The following EVL variants were observed in gnomAD, a reference collection of about 807,000 sequenced individuals.
EVL encodes Enah/Vasp-like.
In EVL, 21 loss-of-function variants were observed where a neutral mutation model predicts 59.6. The observed-to-expected ratio is 0.35, with a 90% CI of 0.25 to 0.51. The LOEUF (loss-of-function observed/expected upper bound fraction) is 0.51. Ranked by LOEUF, EVL falls within the 20% of genes least tolerant of loss-of-function variation. The probability of loss-of-function intolerance (pLI) is 0.97; values close to 1 mark genes in which losing one functional copy is unlikely to be tolerated. For synonymous variants in EVL, 198 were observed against 203.5 expected, an observed-to-expected ratio of 0.97 and a Z score of 0.23; for missense variants, 462 against 546.6, an observed-to-expected ratio of 0.85 and a Z score of 1.54.
At chr14:100,119,099 A>G (rs956879746) in intron 3 of EVL, among the ~76,000 whole-genome samples, 3 of 152,242 alleles carry the variant, frequency 2.0e-5, no homozygotes, top group Non-Finnish European at 2.9e-5. Flanking sequence ...CTGGACCCAC[A>G]TGACACCATG....
At chr14:100,038,492 G>C (rs572970100) in intron 1 of EVL, among the ~76,000 whole-genome samples, 1 of 152,144 alleles carries the variant, frequency 6.6e-6, no homozygotes, top group Non-Finnish European at 1.5e-5. Context: ...GGACAGCCAG[G>C]GCTCTTAGTC....
At chr14:100,094,106 G>A (rs556163112) in intron 2 of EVL, among the ~76,000 whole-genome samples, 1 of 152,024 alleles carries the variant, frequency 6.6e-6, no homozygotes, top group South Asian at 2.1e-4. Flanking sequence ...TGGATAAGCG[G>A]GGACTACCAT....
chr14:99,994,183 T>A (rs983238259), intron 1 of EVL, among the ~76,000 whole-genome samples: 9 of 150,396 alleles, frequency 6.0e-5, no homozygotes, highest in African/African-American at 2.2e-4. Context: ...GTGGATCTAT[T>A]GTAGACAGCA....
chr14:100,105,874 C>T (rs1886535250), intron 3 of EVL: 1 of 152,256 alleles, frequency 6.6e-6, no homozygotes, highest in African/African-American at 2.4e-5. Context: ...CCTCCCCTGC[C>T]ACAGTGTCTG....
chr14:100,070,222 C>T (rs1743623), intron 1 of EVL, among the ~76,000 whole-genome samples: 98,748 of 151,516 alleles, frequency 0.65, 34,602 homozygotes, highest in Non-Finnish European at 0.77. Context: ...GAGCTGTGAT[C>T]ACACTACTGC....
At chr14:99,989,149 A>G (rs751304192) in intron 1 of EVL, among the ~76,000 whole-genome samples, 24 of 152,096 alleles carry the variant, frequency 1.6e-4, no homozygotes, top group Non-Finnish European at 4.4e-5. Flanking sequence ...TCCTTCCCAG[A>G]CTTGTCTTTT....
At chr14:99,991,169 T>C (rs2060873670) in intron 1 of EVL, among the ~76,000 whole-genome samples, 1 of 152,194 alleles carries the variant, frequency 6.6e-6, no homozygotes, top group African/African-American at 2.4e-5. Context: ...TGATTATCCA[T>C]TTCCACTTAG....
At chr14:99,975,473 C>T (rs1322625551) in intron 1 of EVL, among the ~76,000 whole-genome samples, 4 of 152,128 alleles carry the variant, frequency 2.6e-5, no homozygotes, top group African/African-American at 9.7e-5. Context: ...TCTAGGGCTA[C>T]AGTGATATAT....
intron 1 of EVL, among the ~76,000 whole-genome samples, chr14:100,055,648 G>A (rs1338090066): frequency 6.6e-6 from 1 of 152,234 alleles, no homozygotes; most frequent in Non-Finnish European, 1.5e-5. Flanking sequence ...TAGCTGAGGT[G>A]TAGAAGTCTG....
intron 1 of EVL, among the ~76,000 whole-genome samples, chr14:100,007,009 C>T (rs1399608987): frequency 1.3e-5 from 2 of 152,000 alleles, no homozygotes; most frequent in Non-Finnish European, 2.9e-5. Context: ...CACTCAGAAT[C>T]CTTTCGTGGT....
intron 1 of EVL, chr14:100,052,979 G>C (rs1443745910): frequency 1.3e-5 from 2 of 152,268 alleles, no homozygotes; most frequent in Admixed American, 6.5e-5. Context: ...CCTTCTTGCA[G>C]TGCACTCACC....
At chr14:100,055,449 A>AAT (rs1355449039) in intron 1 of EVL, among the ~76,000 whole-genome samples, 1 of 152,196 alleles carries the variant, frequency 6.6e-6, no homozygotes. Context: ...TTTTTGCTAG[A>AAT]ATATATACAG....
chr14:100,016,044 G>A (rs2767355), intron 1 of EVL, among the ~76,000 whole-genome samples: 42,064 of 147,614 alleles, frequency 0.28, 9,486 homozygotes, highest in African/African-American at 0.62. Flanking sequence ...GCACCACTGC[G>A]CTCCAGCCTG....
chr14:100,133,641 T>TA (rs1888583453), intron 8 of EVL, among the ~76,000 whole-genome samples: 1 of 152,056 alleles, frequency 6.6e-6, no homozygotes, highest in South Asian at 2.1e-4. Flanking sequence ...CCTTACACCT[T>TA]AAAAAACAGC....
intron 1 of EVL, among the ~76,000 whole-genome samples, chr14:100,048,012 A>T (rs570488526): frequency 6.6e-6 from 1 of 152,356 alleles, no homozygotes; most frequent in South Asian, 2.1e-4. Flanking sequence ...CTAAAACTAT[A>T]AAACTTGTGG....
At chr14:100,057,218 A>ATTTTTACCTTTCCCCTTTACTTCTCCCTT in intron 1 of EVL, among the ~76,000 whole-genome samples, 1 of 152,116 alleles carries the variant, frequency 6.6e-6, no homozygotes, top group African/African-American at 2.4e-5. Context: ...CAGTGGTGGG[A>ATTTTTACCTTTCCCCTTTACTTCTCCCTT]TTTTTACCTT....
intron 1 of EVL, among the ~76,000 whole-genome samples, chr14:100,011,634 C>G (rs1424858967): frequency 6.6e-6 from 1 of 151,334 alleles, no homozygotes; most frequent in African/African-American, 2.4e-5. Flanking sequence ...ATGGCTTAGA[C>G]TATTGCCCAA....
chr14:100,137,563 G>T lies in EVL; in HGVS notation c.965-15G>T. The T allele has an allele frequency of 6.2e-7, 1 of 1,613,608 alleles. No homozygotes were observed. The highest frequency in any genetic ancestry group is 8.5e-7 in the Non-Finnish European group (1 of 1,179,938). Reference sequence around the variant, plus strand: ...TTCACCTGTGAGGTTCTTCATCCATGAAATGAACTGACAGAGGCTGGCCGG... The same window carrying T: ...TTCACCTGTGAGGTTCTTCATCCATTAAATGAACTGACAGAGGCTGGCCGG... On this transcript the variant is annotated splice_polypyrimidine_tract_variant and intron_variant, in intron 9 of 13. Coordinates refer to ENST00000392920, the MANE Select transcript of EVL (RefSeq NM_016337.3).
intron 1 of EVL, among the ~76,000 whole-genome samples, chr14:100,066,759 G>C (rs1421724369): frequency 6.6e-6 from 1 of 152,188 alleles, no homozygotes. Flanking sequence ...AAAAGTAAAT[G>C]AGGCACAGCA....
Sources: allele counts gnomAD v4.1 joint callset (sites outside exome capture counted in the v4.1 genomes callset), GRCh38; gene constraint gnomAD v4.1.1; transcripts MANE v1.5; gene names NCBI Gene and HGNC (gene_info 2026-07-23, HGNC 2026-07-21).